The following CNTN5 variants were observed in gnomAD, a reference collection of about 807,000 sequenced individuals.
CNTN5 encodes contactin 5, also known as contactin-5.
In CNTN5, 77 loss-of-function variants were observed where a neutral mutation model predicts 129.1. The ratio of observed to expected loss-of-function variants is 0.60; its 90% CI spans 0.50 to 0.72. The LOEUF is 0.72. CNTN5 is among the 30% of genes least tolerant of loss of function. The pLI is 0.00. For missense variants in CNTN5, 1,478 were observed against 1,328.8 expected (o/e 1.11, Z -1.75); for synonymous variants, 509 against 465.6 (o/e 1.09, Z -1.20).
chr11:99,576,299 G>T (rs986819747), intron 3 of CNTN5, among the ~76,000 whole-genome samples: 5 of 152,126 alleles, frequency 3.3e-5, no homozygotes, highest in Non-Finnish European at 4.4e-5. Flanking sequence ...ATGGAATGCT[G>T]AAGACCCATC....
chr11:99,565,561 A>C (rs558659961), intron 3 of CNTN5, among the ~76,000 whole-genome samples: 1 of 152,196 alleles, frequency 6.6e-6, no homozygotes, highest in African/African-American at 2.4e-5. Context: ...GTCCCTTGCT[A>C]TTTTCTGTTC....
chr11:100,040,083 T>C lies in CNTN5; in HGVS notation c.981-21129T>C, dbSNP rs187318578. Among the ~76,000 whole-genome samples, 34 of 152,292 alleles carry C rather than the reference T, an allele frequency of 2.2e-4. No individual in the cohort carries two copies. In the East Asian group the frequency reaches 6.6e-3, roughly 29 times the overall value. ...TTTCTGGTTTTTCTGCTCTTTTTTT[T>C]TCCCATCTTTGTGGTTTTATCTACC... On this transcript the variant is annotated intron_variant, in intron 9 of 24. Coordinates refer to ENST00000524871, the MANE Select transcript of CNTN5 (RefSeq NM_014361.4).
intron 13 of CNTN5, among the ~76,000 whole-genome samples, chr11:100,190,731 T>G (rs1210374234): frequency 1.8e-5 from 1 of 56,800 alleles, no homozygotes; most frequent in East Asian, 9.4e-4. Flanking sequence ...TTTATGCTGT[T>G]TTTTTTTTTT....
chr11:100,006,918 C>G (rs1165566267), intron 9 of CNTN5, among the ~76,000 whole-genome samples: 2 of 152,032 alleles, frequency 1.3e-5, no homozygotes, highest in Non-Finnish European at 2.9e-5. Context: ...GAAAATTACT[C>G]CTTGATCCAT....
chr11:99,506,278 G>A (rs535681727), intron 2 of CNTN5, among the ~76,000 whole-genome samples: 1 of 152,104 alleles, frequency 6.6e-6, no homozygotes, highest in Non-Finnish European at 1.5e-5. Flanking sequence ...CCATAATTTT[G>A]AGTATCTTTG....
chr11:100,098,864 G>A (rs1945113782), intron 13 of CNTN5, among the ~76,000 whole-genome samples: 1 of 151,986 alleles, frequency 6.6e-6, no homozygotes, highest in South Asian at 2.1e-4. Context: ...TTTTCTAGCA[G>A]ATTAGCCGGA....
chr11:99,643,546 A>G (rs929478783), intron 3 of CNTN5, among the ~76,000 whole-genome samples: 1 of 152,188 alleles, frequency 6.6e-6, no homozygotes, highest in African/African-American at 2.4e-5. Context: ...GTGAATGTAC[A>G]TATATTATTT....
intron 15 of CNTN5, among the ~76,000 whole-genome samples, chr11:100,221,465 C>A (rs368443964): frequency 6.6e-6 from 1 of 152,126 alleles, no homozygotes; most frequent in African/African-American, 2.4e-5. Context: ...AGTCAAAATG[C>A]GAGCTAAGAA....
At chr11:100,134,554 CA>C in intron 13 of CNTN5, among the ~76,000 whole-genome samples, 1 of 152,090 alleles carries the variant, frequency 6.6e-6, no homozygotes, top group Non-Finnish European at 1.5e-5. Flanking sequence ...CTTTATCAAT[CA>C]ATTGGGTTCA....
intron 9 of CNTN5, among the ~76,000 whole-genome samples, chr11:100,029,540 G>A (rs930622555): frequency 1.3e-5 from 2 of 151,914 alleles, no homozygotes; most frequent in East Asian, 1.9e-4. Flanking sequence ...CCGAGATGGC[G>A]CCACTGAACT....
chr11:99,131,422 G>A (rs1352002589), intron 1 of CNTN5, among the ~76,000 whole-genome samples: 1 of 151,792 alleles, frequency 6.6e-6, no homozygotes, highest in African/African-American at 2.4e-5. Flanking sequence ...GGAACTGAAG[G>A]AGACAGAGAC....
chr11:99,657,802 A>T (rs954850643), intron 3 of CNTN5, among the ~76,000 whole-genome samples: 5 of 152,112 alleles, frequency 3.3e-5, no homozygotes, highest in African/African-American at 1.2e-4. Context: ...AACATAAAAA[A>T]TTCAAGGAAA....
rs1233995463 is a variant in CNTN5 at position 99,696,837 on chromosome 11, C to A, written c.56-122707C>A. On this transcript the variant is annotated intron_variant, in intron 3 of 24. Transcript: ENST00000524871. ...TTTGTGCTACTTTTAGTTAAGTAAA[C>A]CCACACTGTGTAAGACCCAGGCTGG... Among the ~76,000 whole-genome samples the A allele has an allele frequency of 2.6e-5, 4 of 151,868 alleles. 1 individual carries two copies. The highest frequency in any genetic ancestry group is 6.6e-5 in the Admixed American group (1 of 15,208).
chr11:99,981,114 A>G (rs1295747021), intron 8 of CNTN5, among the ~76,000 whole-genome samples: 4 of 144,902 alleles, frequency 2.8e-5, no homozygotes, highest in Admixed American at 2.1e-4. Context: ...ACACACACAC[A>G]CACATATATG....
intron 3 of CNTN5, among the ~76,000 whole-genome samples, chr11:99,711,917 T>C (rs1955007038): frequency 6.6e-6 from 1 of 152,098 alleles, no homozygotes; most frequent in Non-Finnish European, 1.5e-5. Context: ...GTCTTTGCTA[T>C]TGTGAATCGT....
At chr11:99,839,406 G>A (rs535082334) in intron 4 of CNTN5, among the ~76,000 whole-genome samples, 3 of 152,124 alleles carry the variant, frequency 2.0e-5, no homozygotes, top group African/African-American at 7.2e-5. Flanking sequence ...ACTATGACAA[G>A]CGTTTTATAT....
intron 13 of CNTN5, among the ~76,000 whole-genome samples, chr11:100,184,215 C>T (rs1948227006): frequency 6.6e-6 from 1 of 152,128 alleles, no homozygotes; most frequent in Non-Finnish European, 1.5e-5. Flanking sequence ...CATGCCACTA[C>T]AGTACATTTA....
chr11:99,881,112 G>A (rs1422477415), intron 6 of CNTN5, among the ~76,000 whole-genome samples: 1 of 152,184 alleles, frequency 6.6e-6, no homozygotes, highest in Non-Finnish European at 1.5e-5. Context: ...AGATTGTGCA[G>A]TAGCATTAAT....
In CNTN5 at chr11:99,971,414, G is replaced by A. The variant is rs754312489; in HGVS notation, c.877+14405G>A. ...AAAAATTAGCTGGGCGTGGTGGTGCGCGCCTGTAGTCACAACTACTGGGGA... is the reference window on the plus strand; with the variant it reads ...AAAAATTAGCTGGGCGTGGTGGTGCACGCCTGTAGTCACAACTACTGGGGA... On this transcript the variant is annotated intron_variant, in intron 8 of 24. Coordinates refer to ENST00000524871, the MANE Select transcript of CNTN5 (RefSeq NM_014361.4). 3.3e-5 allele frequency among the ~76,000 whole-genome samples: 5 copies of A among 151,992 alleles called. No individual in the cohort carries two copies. The East Asian group carries it at 7.8e-4, about 24-fold the overall frequency.
Sources: gnomAD v4.1 joint callset for allele counts (sites outside exome capture counted in the v4.1 genomes callset) on GRCh38, gnomAD v4.1.1 for gene constraint, MANE v1.5 for transcripts, NCBI Gene and HGNC (gene_info 2026-07-23, HGNC 2026-07-21) for gene names.